The following VAV2 variants were observed in gnomAD, a reference collection of about 807,000 sequenced individuals.
The protein encoded by VAV2 is guanine nucleotide exchange factor VAV2.
In VAV2, 67 loss-of-function variants were observed where a neutral mutation model predicts 132.5. The observed-to-expected ratio is 0.51, with a 90% CI of 0.42 to 0.62. The LOEUF is 0.62. VAV2 is among the 20% of genes least tolerant of loss of function. VAV2 has a pLI of 0.00. For missense variants in VAV2, 938 were observed against 1,153.6 expected (o/e 0.81, Z 2.71); for synonymous variants, 492 against 443.5 (o/e 1.11, Z -1.37).
chr9:133,938,955 T>A, intron 2 of VAV2, 148 bp downstream of exon 2: 1 of 758,868 alleles, frequency 1.3e-6, no homozygotes, highest in Non-Finnish European at 2.3e-6. Flanking sequence ...AGGACCTGCC[T>A]GCACCTCCCG....
At chr9:133,787,750 C>A (rs1242958893) in intron 15 of VAV2, among the ~76,000 whole-genome samples, 3 of 152,110 alleles carry the variant, frequency 2.0e-5, no homozygotes, top group South Asian at 2.1e-4. Context: ...GCTTCGGCCC[C>A]GTCCCTGTAG....
intron 2 of VAV2, among the ~76,000 whole-genome samples, chr9:133,876,414 T>TC (rs1838265038): frequency 6.6e-6 from 1 of 152,030 alleles, no homozygotes; most frequent in Non-Finnish European, 1.5e-5. Context: ...CAAAGACTAT[T>TC]CCCCTAAGGA....
chr9:133,871,478 ATGG>A (rs1838050310), intron 2 of VAV2, among the ~76,000 whole-genome samples: 2 of 123,116 alleles, frequency 1.6e-5, no homozygotes, highest in South Asian at 5.0e-4. Context: ...GGATGGATGG[ATGG>A]ATGGATGGAT....
chr9:133,940,276 G>A (rs1168987684), intron 1 of VAV2, among the ~76,000 whole-genome samples: 1 of 152,210 alleles, frequency 6.6e-6, no homozygotes, highest in Non-Finnish European at 1.5e-5. Context: ...GGATTCGCGA[G>A]GGGAGGGTGT....
rs1207920366 is a variant in VAV2 at position 133,823,633 on chromosome 9, C to T, written c.449+10639G>A. Among the ~76,000 whole-genome samples the T allele has an allele frequency of 6.6e-6, 1 of 152,154 alleles. No homozygotes were observed. Among genetic ancestry groups the T allele is most frequent in the African/African-American group, 2.4e-5 (1 of 41,418 alleles). On this transcript the variant is annotated intron_variant, in intron 4 of 29. Coordinates refer to ENST00000371850, the MANE Select transcript of VAV2 (RefSeq NM_001134398.2). This position sits in a 1 kb window ranked among gnomAD's most constrained non-coding sequence, Gnocchi z 5.5. ...GAGGGGGAGGGACCTTCATCAGACA[C>T]AGCACAGCCCTCTCATTCGGGCCGA...
chr9:133,790,261 C>G (rs1056153226), intron 13 of VAV2, among the ~76,000 whole-genome samples: 19 of 152,370 alleles, frequency 1.2e-4, no homozygotes, highest in Admixed American at 9.1e-4. Context: ...ACTGCAACCT[C>G]TGCCTCCCGG....
At chr9:133,881,921 G>T (rs569858972) in intron 2 of VAV2, among the ~76,000 whole-genome samples, 4 of 152,300 alleles carry the variant, frequency 2.6e-5, no homozygotes. Context: ...CAGGGCGCCT[G>T]GCACAGGATC....
At chr9:133,950,488 C>G (rs576804523) in intron 1 of VAV2, among the ~76,000 whole-genome samples, 2 of 152,180 alleles carry the variant, frequency 1.3e-5, no homozygotes, top group African/African-American at 4.8e-5. Context: ...CCTCTGCTGC[C>G]GACGGTGGGT....
chr9:133,887,830 T>G (rs1838775107), intron 2 of VAV2, among the ~76,000 whole-genome samples: 1 of 149,364 alleles, frequency 6.7e-6, no homozygotes, highest in African/African-American at 2.5e-5. Context: ...TTTTGCATCT[T>G]CAGGGGAGGG....
At chr9:133,987,810 C>A (rs34288869) in intron 1 of VAV2, among the ~76,000 whole-genome samples, 7,901 of 152,276 alleles carry the variant, frequency 0.052, 299 homozygotes, top group Middle Eastern at 0.082. Flanking sequence ...TGGCCATACC[C>A]AATTAGTTTA....
At chr9:133,867,495 G>A (rs1376266609) in intron 2 of VAV2, among the ~76,000 whole-genome samples, 4 of 152,196 alleles carry the variant, frequency 2.6e-5, no homozygotes, top group East Asian at 3.9e-4. Flanking sequence ...TCTGACCCTC[G>A]TCAAGCCTCC....
intron 16 of VAV2, among the ~76,000 whole-genome samples, chr9:133,786,643 T>G (rs992026972): frequency 3.3e-5 from 5 of 152,246 alleles, no homozygotes; most frequent in African/African-American, 1.2e-4. Context: ...GGAACAGCCA[T>G]GGGCCTGGGG....
chr9:133,926,393 A>T lies in VAV2; in HGVS notation c.321+12710T>A, dbSNP rs1330657878. ...GGGCGCCAGCCCCCGGCAGCCCAGC[A>T]GGTGCTAAGTTATTATTACTAATTC... On this transcript the variant is annotated intron_variant, in intron 2 of 29. Transcript: ENST00000371850. The surrounding 1 kb of genome is among the most constrained non-coding windows in gnomAD (Gnocchi z 4.3). The T allele has an allele frequency of 6.6e-6, 1 of 152,382 alleles. No individual in the cohort carries two copies. Among genetic ancestry groups the T allele is most frequent in the African/African-American group, 2.4e-5 (1 of 41,456 alleles). The allele number at this position is 152,382 out of a possible 1,614,324, so 9.4% of individuals were successfully genotyped here.
At chr9:133,805,207 G>A (rs1387887487) in intron 9 of VAV2, among the ~76,000 whole-genome samples, 5 of 152,138 alleles carry the variant, frequency 3.3e-5, no homozygotes, top group African/African-American at 4.8e-5. Flanking sequence ...TCAGGGCCGC[G>A]TGGTAAGATG....
chr9:133,966,896 T>TTG (rs1842158274), intron 1 of VAV2, among the ~76,000 whole-genome samples: 1 of 150,950 alleles, frequency 6.6e-6, no homozygotes, highest in Non-Finnish European at 1.5e-5. Context: ...TCAGTTGGGC[T>TTG]TGGTGGCGGG....
At chr9:133,789,578 G>A (rs1213728619) in intron 13 of VAV2, among the ~76,000 whole-genome samples, 2 of 152,224 alleles carry the variant, frequency 1.3e-5, no homozygotes, top group African/African-American at 4.8e-5. Flanking sequence ...GGCCAGCCCT[G>A]CCAAGGGGCT....
chr9:133,812,290 G>A, intron 4 of VAV2, 74 bp from the exon 5 acceptor site: 1 of 1,453,922 alleles, frequency 6.9e-7, no homozygotes, highest in South Asian at 1.1e-5. Context: ...AGAGCACGAG[G>A]GTCCACGAGG....
chr9:133,955,390 G>T (rs866020703), intron 1 of VAV2, among the ~76,000 whole-genome samples: 113 of 135,904 alleles, frequency 8.3e-4, no homozygotes, highest in African/African-American at 3.0e-3. Context: ...CCCCGCCCAC[G>T]CTCCTCCCCA....
At chr9:133,887,095 C>T (rs1588315095) in intron 2 of VAV2, among the ~76,000 whole-genome samples, 1 of 152,124 alleles carries the variant, frequency 6.6e-6, no homozygotes, top group African/African-American at 2.4e-5. Context: ...CAGAGGAGGG[C>T]CCAGACAGCA....
Sources: gnomAD v4.1 joint callset for allele counts (sites outside exome capture counted in the v4.1 genomes callset) on GRCh38, gnomAD v4.1.1 for gene constraint, Gnocchi (gnomAD v3.1) non-coding constraint, MANE v1.5 for transcripts, NCBI Gene and HGNC (gene_info 2026-07-23, HGNC 2026-07-21) for gene names.